The following ASCC3 variants were observed in gnomAD, a reference collection of about 807,000 sequenced individuals.
The protein encoded by ASCC3 is activating signal cointegrator 1 complex subunit 3.
A neutral mutation model predicts 256.3 loss-of-function variants in ASCC3; 158 were observed. That is an observed-to-expected ratio of 0.62 (90% CI 0.54 to 0.70). ASCC3 has a LOEUF of 0.70. ASCC3 is among the 30% of genes least tolerant of loss of function. The probability of loss-of-function intolerance (pLI) is 0.00; values close to 1 mark genes in which losing one functional copy is unlikely to be tolerated. For missense variants in ASCC3, 2,259 were observed against 2,626.0 expected (o/e 0.86, Z 3.05); for synonymous variants, 948 against 883.4 (o/e 1.07, Z -1.30).
intron 34 of ASCC3, among the ~76,000 whole-genome samples, chr6:100,598,581 CATA>C (rs1772435170): frequency 6.6e-6 from 1 of 152,000 alleles, no homozygotes; most frequent in Non-Finnish European, 1.5e-5. Context: ...ATTTTCTCAC[CATA>C]ATATTATAAA....
Position 100,638,830 on chromosome 6 carries a change from A to T in ASCC3, c.3902-9T>A. ...CTGAAGATCCAGTAATTCTGAAAAG[A>T]CCCAACAGGATGGCTATACGACAAT... On this transcript the variant is annotated splice_polypyrimidine_tract_variant and intron_variant, in intron 24 of 41. Coordinates refer to ENST00000369162, the MANE Select transcript of ASCC3 (RefSeq NM_006828.4). 6.2e-7 allele frequency: 1 copy of T among 1,611,220 alleles called. No individual in the cohort carries two copies. Among genetic ancestry groups the T allele is most frequent in the Non-Finnish European group, 8.5e-7 (1 of 1,177,462 alleles).
chr6:100,539,742 C>T (rs987916897), intron 37 of ASCC3, among the ~76,000 whole-genome samples: 2 of 151,824 alleles, frequency 1.3e-5, no homozygotes, highest in Admixed American at 6.6e-5. Flanking sequence ...TACCCTCCGT[C>T]TTTCTCTTTA....
At chr6:100,759,440 T>C (rs752332762) in intron 10 of ASCC3, among the ~76,000 whole-genome samples, 30 of 152,202 alleles carry the variant, frequency 2.0e-4, no homozygotes, top group Non-Finnish European at 3.8e-4. Context: ...GGGGTCCAGT[T>C]TGAGTTTTCT....
At chr6:100,791,821 T>C (rs1029266227) in intron 8 of ASCC3, among the ~76,000 whole-genome samples, 9 of 151,974 alleles carry the variant, frequency 5.9e-5, no homozygotes, top group Non-Finnish European at 1.5e-5. Flanking sequence ...CTGGAAAATA[T>C]TTCCTCACTC....
intron 5 of ASCC3, among the ~76,000 whole-genome samples, chr6:100,801,346 C>CT (rs1562306790): frequency 6.6e-6 from 1 of 152,014 alleles, no homozygotes; most frequent in East Asian, 1.9e-4. Flanking sequence ...TGCAGCTAGG[C>CT]TAGGAGGACA....
intron 24 of ASCC3, among the ~76,000 whole-genome samples, chr6:100,639,834 G>T (rs1481529039): frequency 6.6e-6 from 1 of 152,174 alleles, no homozygotes; most frequent in African/African-American, 2.4e-5. Context: ...GAAAATTGAG[G>T]CCGGGAGCGG....
intron 37 of ASCC3, among the ~76,000 whole-genome samples, chr6:100,520,248 AC>A (rs1339505741): frequency 6.6e-6 from 1 of 152,116 alleles, no homozygotes; most frequent in Non-Finnish European, 1.5e-5. Flanking sequence ...TAATGGTTTT[AC>A]ACTGTGTAGG....
At chr6:100,799,328 A>T (rs1769793851) in intron 7 of ASCC3, 103 bp downstream of exon 7, 6 of 1,275,156 alleles carry the variant, frequency 4.7e-6, no homozygotes. Flanking sequence ...AAAATTTAGC[A>T]TAGTCAACTA....
intron 30 of ASCC3, among the ~76,000 whole-genome samples, chr6:100,607,793 T>C (rs1772979681): frequency 6.6e-6 from 1 of 151,518 alleles, no homozygotes; most frequent in African/African-American, 2.4e-5. Context: ...TGTTACTATG[T>C]TCTCAAAACT....
chr6:100,752,964 A>T (rs1338151692), intron 10 of ASCC3, among the ~76,000 whole-genome samples: 2 of 152,152 alleles, frequency 1.3e-5, no homozygotes, highest in Admixed American at 1.3e-4. Flanking sequence ...CCTTCTGTAT[A>T]GTATAATTCT....
At chr6:100,689,111 T>G (rs1777718781) in intron 13 of ASCC3, among the ~76,000 whole-genome samples, 1 of 152,120 alleles carries the variant, frequency 6.6e-6, no homozygotes, top group Non-Finnish European at 1.5e-5. Flanking sequence ...TCTATAAACC[T>G]ACAAAGCCCA....
intron 1 of ASCC3, among the ~76,000 whole-genome samples, chr6:100,875,807 G>C (rs556782208): frequency 6.8e-4 from 103 of 152,206 alleles, no homozygotes; most frequent in Non-Finnish European, 1.3e-3. Flanking sequence ...AAAAATGGTA[G>C]AAGCTAAATC....
intron 14 of ASCC3, among the ~76,000 whole-genome samples, chr6:100,673,293 G>T (rs973308958): frequency 1.3e-5 from 2 of 151,946 alleles, no homozygotes; most frequent in Non-Finnish European, 2.9e-5. Context: ...CATGAAATAT[G>T]TTTTTGATTT....
chr6:100,710,722 G>A (rs1428446021), intron 13 of ASCC3, among the ~76,000 whole-genome samples: 1 of 152,046 alleles, frequency 6.6e-6, no homozygotes, highest in East Asian at 1.9e-4. Flanking sequence ...ATATGTTTGG[G>A]TTTTTATCTA....
intron 34 of ASCC3, among the ~76,000 whole-genome samples, chr6:100,600,966 G>A (rs931602338): frequency 6.6e-6 from 1 of 152,026 alleles, no homozygotes; most frequent in Non-Finnish European, 1.5e-5. Context: ...CTGGTTCTTG[G>A]CCTACTTTGT....
chr6:100,720,742 TA>T (rs1243305277), intron 11 of ASCC3, among the ~76,000 whole-genome samples: 3 of 151,214 alleles, frequency 2.0e-5, no homozygotes, highest in Non-Finnish European at 3.0e-5. Context: ...ATGGGCAAAG[TA>T]GTACAAAACG....
intron 10 of ASCC3, among the ~76,000 whole-genome samples, chr6:100,740,308 G>T (rs1780371076): frequency 6.6e-6 from 1 of 152,142 alleles, no homozygotes; most frequent in African/African-American, 2.4e-5. Flanking sequence ...TGTTGATTAT[G>T]ATTTCAGTTT....
intron 3 of ASCC3, chr6:100,857,493 ATGTATTGTTTTG>A (rs770939526): frequency 2.6e-5 from 4 of 152,018 alleles, no homozygotes; most frequent in Non-Finnish European, 2.9e-5. Flanking sequence ...CTTTTAGAAG[ATGTATTGTTTTG>A]TGTATCATGC....
chr6:100,707,723 A>G (rs949975957), intron 13 of ASCC3, among the ~76,000 whole-genome samples: 1 of 152,152 alleles, frequency 6.6e-6, no homozygotes, highest in Non-Finnish European at 1.5e-5. Flanking sequence ...GAGGTTCACG[A>G]TGATTGTCCC....
Sources: allele counts gnomAD v4.1 joint callset (sites outside exome capture counted in the v4.1 genomes callset), GRCh38; gene constraint gnomAD v4.1.1; transcripts MANE v1.5; gene names NCBI Gene and HGNC (gene_info 2026-07-23, HGNC 2026-07-21).